Variants in LRBA observed in about 807,000 individuals in gnomAD.
LRBA encodes the protein lipopolysaccharide-responsive and beige-like anchor protein.
A neutral mutation model predicts 330.0 loss-of-function variants in LRBA; 176 were observed. The ratio of observed to expected loss-of-function variants is 0.53; its 90% CI spans 0.47 to 0.60. LRBA has a LOEUF of 0.60. Ranked by LOEUF, LRBA falls within the 20% of genes least tolerant of loss-of-function variation. The probability of loss-of-function intolerance (pLI) is 0.00; values close to 1 mark genes in which losing one functional copy is unlikely to be tolerated. For missense variants in LRBA, 3,259 were observed against 3,444.8 expected, an observed-to-expected ratio of 0.95 and a Z score of 1.35; for synonymous variants, 1,230 against 1,193.0, an observed-to-expected ratio of 1.03 and a Z score of -0.64.
At chr4:150,886,613 T>C (rs930676295) in intron 17 of LRBA, among the ~76,000 whole-genome samples, 4 of 151,952 alleles carry the variant, frequency 2.6e-5, no homozygotes, top group African/African-American at 7.3e-5. Context: ...AAACCCAAAG[T>C]AGGGTAAGAG....
chr4:150,310,528 A>G (rs1730924026), intron 51 of LRBA, 144 bp from the exon 52 acceptor site: 1 of 529,160 alleles, frequency 1.9e-6, no homozygotes, highest in African/African-American at 1.9e-5. Context: ...GAGTAGGAAA[A>G]CATATCCAAT....
At chr4:150,750,459 T>A (rs1733375970) in intron 35 of LRBA, among the ~76,000 whole-genome samples, 1 of 152,204 alleles carries the variant, frequency 6.6e-6, no homozygotes, top group African/African-American at 2.4e-5. Context: ...TGCAATTCTA[T>A]CCTATAAAGA....
chr4:150,917,562 G>T (rs910044778), intron 5 of LRBA, among the ~76,000 whole-genome samples: 2 of 152,026 alleles, frequency 1.3e-5, no homozygotes, highest in African/African-American at 2.4e-5. Context: ...TGGCTTTACC[G>T]CTTGGTTTAG....
At chr4:150,640,396 T>C (rs941228757) in intron 37 of LRBA, among the ~76,000 whole-genome samples, 1 of 152,198 alleles carries the variant, frequency 6.6e-6, no homozygotes, top group Non-Finnish European at 1.5e-5. Context: ...TCTTTTAGCA[T>C]AGTTATGTTC....
At chr4:150,991,085 A>AAAAGAGGAGGAAGAGGAGGAT (rs1742029406) in intron 2 of LRBA, among the ~76,000 whole-genome samples, 1 of 152,026 alleles carries the variant, frequency 6.6e-6, no homozygotes, top group African/African-American at 2.4e-5. Flanking sequence ...ACGAAGAAGA[A>AAAAGAGGAGGAAGAGGAGGAT]AAAGAGGAGG....
At chr4:150,961,758 T>A (rs895085530) in intron 2 of LRBA, among the ~76,000 whole-genome samples, 2 of 149,238 alleles carry the variant, frequency 1.3e-5, no homozygotes, top group Admixed American at 1.3e-4. Context: ...GCGGTAGCAG[T>A]AGATGAATGT....
intron 40 of LRBA, among the ~76,000 whole-genome samples, chr4:150,578,483 G>C (rs1770819896): frequency 6.6e-6 from 1 of 152,068 alleles, no homozygotes; most frequent in African/African-American, 2.4e-5. Flanking sequence ...CGGTGAAATA[G>C]GAAATTCCAT....
chr4:150,690,892 C>A (rs1582058124), intron 36 of LRBA, among the ~76,000 whole-genome samples: 2 of 146,024 alleles, frequency 1.4e-5, no homozygotes, highest in Non-Finnish European at 3.0e-5. Context: ...TAAAAACTGA[C>A]AAAATAAACT....
intron 40 of LRBA, among the ~76,000 whole-genome samples, chr4:150,571,766 G>T (rs764498616): frequency 1.3e-5 from 2 of 148,162 alleles, no homozygotes; most frequent in Non-Finnish European, 3.0e-5. Context: ...ACAAACTCTG[G>T]TTCTGTACAA....
intron 36 of LRBA, 100 bp from the exon 37 acceptor site, chr4:150,683,817 T>A: frequency 1.2e-6 from 1 of 826,144 alleles, no homozygotes; most frequent in Non-Finnish European, 1.8e-6. Context: ...ACCAAAATTT[T>A]AAATCTACTT....
intron 15 of LRBA, 22 bp downstream of exon 15, chr4:150,897,717 G>C: frequency 1.3e-6 from 2 of 1,524,948 alleles, no homozygotes; most frequent in Non-Finnish European, 1.8e-6. Context: ...GGTATGCTAT[G>C]GAATAAGCAA....
chr4:150,798,528 C>G (rs937262947), intron 33 of LRBA, among the ~76,000 whole-genome samples: 8 of 152,066 alleles, frequency 5.3e-5, no homozygotes, highest in African/African-American at 1.9e-4. Flanking sequence ...CTCCACTACA[C>G]TCTCTCCCTT....
intron 28 of LRBA, among the ~76,000 whole-genome samples, chr4:150,834,088 T>C (rs1179217195): frequency 2.0e-5 from 3 of 152,168 alleles, no homozygotes; most frequent in Admixed American, 6.6e-5. Flanking sequence ...TCTGATTCTC[T>C]TGCTATTTCC....
chr4:150,794,890 T>C (rs1740547706), intron 34 of LRBA, among the ~76,000 whole-genome samples: 1 of 152,142 alleles, frequency 6.6e-6, no homozygotes, highest in Admixed American at 6.5e-5. Context: ...AGGACAAGAA[T>C]GCAGCTACCA....
chr4:150,976,840 T>C (rs933809836), intron 2 of LRBA, among the ~76,000 whole-genome samples: 5 of 152,188 alleles, frequency 3.3e-5, no homozygotes, highest in African/African-American at 1.2e-4. Flanking sequence ...GGATCCTGCA[T>C]TGAACAGTGC....
intron 41 of LRBA, among the ~76,000 whole-genome samples, chr4:150,489,298 T>A (rs1229652169): frequency 2.3e-4 from 23 of 99,790 alleles, no homozygotes; most frequent in African/African-American, 9.5e-4. Flanking sequence ...GAATATATAA[T>A]ATATTATATA....
At chr4:150,462,196 G>C (rs1754861683) in intron 44 of LRBA, among the ~76,000 whole-genome samples, 1 of 151,776 alleles carries the variant, frequency 6.6e-6, no homozygotes, top group Non-Finnish European at 1.5e-5. Context: ...GGTTAGATCT[G>C]TCTTCTCATC....
intron 40 of LRBA, among the ~76,000 whole-genome samples, chr4:150,533,112 G>A (rs572093176): frequency 6.6e-6 from 1 of 152,208 alleles, no homozygotes; most frequent in African/African-American, 2.4e-5. Context: ...AGATAACAAT[G>A]TTAGCAACTG....
At chr4:150,354,450 G>C (rs998706663) in intron 47 of LRBA, among the ~76,000 whole-genome samples, 1 of 152,042 alleles carries the variant, frequency 6.6e-6, no homozygotes, top group African/African-American at 2.4e-5. Context: ...CCAATCAATT[G>C]TTAGTACTCC....
Sources: gnomAD v4.1 joint callset for allele counts (sites outside exome capture counted in the v4.1 genomes callset) on GRCh38, gnomAD v4.1.1 for gene constraint, MANE v1.5 for transcripts, NCBI Gene and HGNC (gene_info 2026-07-23, HGNC 2026-07-21) for gene names.